The following NANOG variants were observed in gnomAD, a reference collection of about 807,000 sequenced individuals.
NANOG encodes Nanog homeobox, also known as homeobox protein NANOG.
NANOG carries 2 observed loss-of-function variants against 17.7 expected under a neutral mutation model. The ratio of observed to expected loss-of-function variants is 0.11; its 90% confidence interval spans 0.05 to 0.36. NANOG has a LOEUF of 0.36. NANOG is among the 10% of genes least tolerant of loss of function. The probability of loss-of-function intolerance (pLI) is 1.00; values close to 1 mark genes in which losing one functional copy is unlikely to be tolerated. For synonymous variants in NANOG, 81 were observed against 124.7 expected, an observed-to-expected ratio of 0.65 and a Z score of 2.33; for missense variants, 174 against 362.1, an observed-to-expected ratio of 0.48 and a Z score of 4.22.
In NANOG at chr12:7,798,651, G is replaced by T. The variant is rs906065515; in HGVS notation, c.*3556G>T. 39 of 147,756 alleles carry T rather than the reference G, an allele frequency of 2.6e-4. No individual in the cohort carries two copies. The highest frequency in any genetic ancestry group is 9.6e-4 in the African/African-American group (38 of 39,742). 9.2% of individuals were successfully genotyped at this position (147,756 alleles called of 1,614,324 possible). A position where few individuals can be genotyped will look rare whatever the true frequency, so the allele number is the denominator to read the frequency against. On this transcript the variant is annotated 3_prime_UTR_variant, in exon 4 of 4. Transcript: ENST00000229307. The stretch of plus-strand genomic sequence containing the variant: ...TTTCATAATATAAATTTAAAACTCA[G>T]AAGTGGGAGGAATACAGGCCTTGAT...
chr12:7,793,184 C>T lies in NANOG; in HGVS notation c.386C>T (p.Ser129Phe). Residue 129 changes from serine to phenylalanine, a missense_variant, in exon 2 of 4, where the codon TCC becomes TTC. By Grantham distance (155) the Ser-to-Phe change is radical (BLOSUM62 -2). Transcript: ENST00000229307. ...AGCCTCCAGCAGATGCAAGAACTCT[C>T]CAACATCCTGAACCTCAGCTACAAA... is the stretch of plus-strand genomic sequence containing the variant. ...YLSLQQMQEL[S>F]NILNLSYKQV... 6.2e-7 allele frequency: 1 copy of T among 1,613,672 alleles called. No individual in the cohort carries two copies. Among genetic ancestry groups the T allele is most frequent in the Non-Finnish European group, 8.5e-7 (1 of 1,179,844 alleles).
intron 2 of NANOG, among the ~76,000 whole-genome samples, chr12:7,794,080 C>G (rs1292615192): frequency 6.6e-6 from 1 of 152,104 alleles, no homozygotes; most frequent in African/African-American, 2.4e-5. Context: ...GTTCATTTCT[C>G]TCTTTTTTTC....
At chr12:7,790,090 G>A (rs1862817031) in intron 1 of NANOG, among the ~76,000 whole-genome samples, 1 of 142,930 alleles carries the variant, frequency 7.0e-6, no homozygotes, top group Non-Finnish European at 1.5e-5. Flanking sequence ...TGAAGGTGAT[G>A]TGTACATCTT....
chr12:7,797,388 A>G lies in NANOG; in HGVS notation c.*2293A>G, dbSNP rs1425103295. 7.2e-4 allele frequency: 80 copies of G among 111,326 alleles called. No individual in the cohort carries two copies. The highest frequency in any genetic ancestry group is 7.6e-3 in the Middle Eastern group (1 of 132). The allele number at this position is 111,326 out of a possible 1,614,324, so 6.9% of individuals were successfully genotyped here. Reference sequence around the variant, plus strand: ...TTTTTTTTTTTTGAGATGGAACTTCACTTTTGTTACTCAGGCTGGAGCACA... The same window carrying G: ...TTTTTTTTTTTTGAGATGGAACTTCGCTTTTGTTACTCAGGCTGGAGCACA... On this transcript the variant is annotated 3_prime_UTR_variant, in exon 4 of 4. Transcript: ENST00000229307.
Position 7,789,419 on chromosome 12 carries a change from A to C in NANOG, c.-196A>C. The stretch of plus-strand genomic sequence containing the variant: ...CCTTCATTATAAATCTAGAGACTCC[A>C]GGATTTTAACGTTCTGCTGGACTGA... On this transcript the variant is annotated 5_prime_UTR_variant, in exon 1 of 4. Coordinates refer to ENST00000229307, the MANE Select transcript of NANOG (RefSeq NM_024865.4). 2 of 593,844 alleles carry C rather than the reference A, an allele frequency of 3.4e-6. No homozygotes were observed. Among genetic ancestry groups the C allele is most frequent in the Non-Finnish European group, 6.0e-6 (2 of 335,696 alleles). 36.8% of individuals were successfully genotyped at this position (593,844 alleles called of 1,614,324 possible). A position where few individuals can be genotyped will look rare whatever the true frequency, so the allele number is the denominator to read the frequency against.
Position 7,797,386 on chromosome 12 carries a change from TCA to T in NANOG, c.*2293_*2294del, listed in dbSNP as rs1862946057. 1 of 127,308 alleles carries T rather than the reference TCA, an allele frequency of 7.9e-6. No individual in the cohort carries two copies. The allele number at this position is 127,308 out of a possible 1,614,324, so 7.9% of individuals were successfully genotyped here. A position where few individuals can be genotyped will look rare whatever the true frequency, so the allele number is the denominator to read the frequency against. On this transcript the variant is annotated 3_prime_UTR_variant, in exon 4 of 4. Coordinates refer to ENST00000229307, the MANE Select transcript of NANOG (RefSeq NM_024865.4). ...TTTTTTTTTTTTTTGAGATGGAACT[TCA>T]CTTTTGTTACTCAGGCTGGAGCACA...
chr12:7,798,443 C>A lies in NANOG; in HGVS notation c.*3348C>A, dbSNP rs1862958053. 1.3e-5 allele frequency: 2 copies of A among 152,204 alleles called. No homozygotes were observed. Among genetic ancestry groups the A allele is most frequent in the South Asian group, 2.1e-4 (1 of 4,830 alleles). 9.4% of individuals were successfully genotyped at this position (152,204 alleles called of 1,614,324 possible). On this transcript the variant is annotated 3_prime_UTR_variant, in exon 4 of 4. Coordinates refer to ENST00000229307, the MANE Select transcript of NANOG (RefSeq NM_024865.4). Reference sequence around the variant, plus strand: ...CTCTCTGTTTAACATTTCTTCCTTTCTCTAGAAAATTTTCCTTTCTTTTCC... The same window carrying A: ...CTCTCTGTTTAACATTTCTTCCTTTATCTAGAAAATTTTCCTTTCTTTTCC...
rs201427723 is a variant in NANOG at position 7,792,995 on chromosome 12, C to T, written c.197C>T (p.Pro66Leu). 1 of 1,610,058 alleles carries T rather than the reference C, an allele frequency of 6.2e-7. No homozygotes were observed. The highest frequency in any genetic ancestry group is 1.3e-5 in the African/African-American group (1 of 74,834). ...ATGGATCTGCTTATTCAGGACAGCC[C>T]TGATTCTTCCACCAGTCCCAAAGGC... is the stretch of plus-strand genomic sequence containing the variant. ...SSMDLLIQDSPDSSTSPKGKQ... is the reference protein window; with the variant it reads ...SSMDLLIQDSLDSSTSPKGKQ... The change falls in exon 2 of 4, where the codon CCT becomes CTT. Residue 66 changes from proline (P) to leucine (L), a missense_variant. Coordinates refer to ENST00000229307, the MANE Select transcript of NANOG (RefSeq NM_024865.4).
chr12:7,789,433 C>T lies in NANOG; in HGVS notation c.-182C>T. ...CTAGAGACTCCAGGATTTTAACGTT[C>T]TGCTGGACTGAGCTGGTTGCCTCAT... On this transcript the variant is annotated 5_prime_UTR_variant, in exon 1 of 4. Coordinates refer to ENST00000229307, the MANE Select transcript of NANOG (RefSeq NM_024865.4). 2 of 606,656 alleles carry T rather than the reference C, an allele frequency of 3.3e-6. No individual in the cohort carries two copies. Among genetic ancestry groups the T allele is most frequent in the Non-Finnish European group, 5.8e-6 (2 of 343,482 alleles). The allele number at this position is 606,656 out of a possible 1,614,324, so 37.6% of individuals were successfully genotyped here. A position where few individuals can be genotyped will look rare whatever the true frequency, so the allele number is the denominator to read the frequency against.
chr12:7,794,394 A>T (rs2120572935), intron 2 of NANOG, 63 bp from the exon 3 acceptor site: 1 of 1,418,254 alleles, frequency 7.1e-7, no homozygotes, highest in Non-Finnish European at 9.8e-7. Context: ...TTAGCAATAT[A>T]CTTTGATTCA....
chr12:7,790,402 A>G (rs768881519), intron 1 of NANOG, among the ~76,000 whole-genome samples: 60 of 152,338 alleles, frequency 3.9e-4, no homozygotes, highest in Admixed American at 1.7e-3. Context: ...AGATAATTCC[A>G]GAAAGTTTAA....
chr12:7,789,413 G>A lies in NANOG; in HGVS notation c.-202G>A. On this transcript the variant is annotated 5_prime_UTR_variant, in exon 1 of 4. Coordinates refer to ENST00000229307, the MANE Select transcript of NANOG (RefSeq NM_024865.4). ...ATAGAGCCTTCATTATAAATCTAGAGACTCCAGGATTTTAACGTTCTGCTG... is the reference window on the plus strand; with the variant it reads ...ATAGAGCCTTCATTATAAATCTAGAAACTCCAGGATTTTAACGTTCTGCTG... 3.4e-6 allele frequency: 2 copies of A among 586,036 alleles called. No homozygotes were observed. The highest frequency in any genetic ancestry group is 4.2e-5 in the South Asian group (2 of 47,124). 36.3% of individuals were successfully genotyped at this position (586,036 alleles called of 1,614,324 possible).
rs756427381 is a variant in NANOG, at chr12:7,789,587, T to C, written c.-28T>C. 2 of 1,608,702 alleles carry C rather than the reference T, an allele frequency of 1.2e-6. No homozygotes were observed. The highest frequency in any genetic ancestry group is 2.2e-5 in the South Asian group (2 of 90,736). ...CCTTTTTTCCAGTCCACCTCTTAAATTTTTTCCTCCTCTTCCTCTATACTA... is the reference window on the plus strand; with the variant it reads ...CCTTTTTTCCAGTCCACCTCTTAAACTTTTTCCTCCTCTTCCTCTATACTA... On this transcript the variant is annotated 5_prime_UTR_variant, in exon 1 of 4. Coordinates refer to ENST00000229307, the MANE Select transcript of NANOG (RefSeq NM_024865.4).
chr12:7,791,559 AAG>A (rs1862841158), intron 1 of NANOG, among the ~76,000 whole-genome samples: 1 of 152,150 alleles, frequency 6.6e-6, no homozygotes, highest in South Asian at 2.1e-4. Context: ...ATCTACTTGC[AAG>A]AGAGAAGAGA....
chr12:7,793,308 T>A, intron 2 of NANOG, 96 bp downstream of exon 2: 2 of 1,153,018 alleles, frequency 1.7e-6, no homozygotes, highest in Non-Finnish European at 2.5e-6. Context: ...GTGTACTATG[T>A]GTCCGTACAT....
At chr12:7,793,249 A>T in intron 2 of NANOG, 37 bp downstream of exon 2, 1 of 1,605,722 alleles carries the variant, frequency 6.2e-7, no homozygotes, top group Non-Finnish European at 8.5e-7. Flanking sequence ...GGTGAACAAA[A>T]ATTGGACTAA....
intron 1 of NANOG, among the ~76,000 whole-genome samples, chr12:7,791,468 G>A (rs1288176486): frequency 6.6e-6 from 1 of 152,144 alleles, no homozygotes; most frequent in Non-Finnish European, 1.5e-5. Flanking sequence ...CACACATCAA[G>A]TGACAGTTTA....
At chr12:7,794,263 G>A (rs877716) in intron 2 of NANOG, among the ~76,000 whole-genome samples, 194 bp from the exon 3 acceptor site, 75,108 of 151,808 alleles carry the variant, frequency 0.49, 20,118 homozygotes, top group Non-Finnish European at 0.59. Flanking sequence ...TTGTAGACAC[G>A]GTGTTTCCTC....
rs1217339139 is a variant in NANOG at position 7,798,867 on chromosome 12, G to A, written c.*3772G>A. ...GGAGAGCCCTTGGTAAATATTGCAT[G>A]CCTCCTGGGGCCCCCATGGGCTTTG... On this transcript the variant is annotated 3_prime_UTR_variant, in exon 4 of 4. Transcript: ENST00000229307. 3 of 137,984 alleles carry A rather than the reference G, an allele frequency of 2.2e-5. No individual in the cohort carries two copies. The highest frequency in any genetic ancestry group is 4.6e-5 in the Non-Finnish European group (3 of 64,874). The allele number at this position is 137,984 out of a possible 1,614,324, so 8.5% of individuals were successfully genotyped here.
Sources: allele counts gnomAD v4.1 joint callset (sites outside exome capture counted in the v4.1 genomes callset), GRCh38; gene constraint gnomAD v4.1.1; transcripts MANE v1.5; gene names NCBI Gene and HGNC (gene_info 2026-07-23, HGNC 2026-07-21).